Variants in DLGAP2 observed in about 807,000 individuals in gnomAD.
DLGAP2 encodes the protein disks large-associated protein 2.
In DLGAP2, 26 loss-of-function variants were observed where a neutral mutation model predicts 100.3. The ratio of observed to expected loss-of-function variants is 0.26; its 90% CI spans 0.19 to 0.36. The LOEUF (loss-of-function observed/expected upper bound fraction) is 0.36. Among genes scored for constraint, DLGAP2 ranks in the 10% least tolerant of loss-of-function variants. DLGAP2 has a pLI of 1.00. For synonymous variants in DLGAP2, 886 were observed against 630.1 expected (o/e 1.41, Z -6.08); for missense variants, 1,858 against 1,453.2 (o/e 1.28, Z -4.53).
chr8:1,119,206 T>C (rs11986778), intron 2 of DLGAP2, among the ~76,000 whole-genome samples: 44,493 of 152,286 alleles, frequency 0.29, 7,449 homozygotes, highest in Non-Finnish European at 0.39. Context: ...AGGCATGCAA[T>C]TTGCAGAATA....
At chr8:1,317,817 G>A (rs576936145) in intron 3 of DLGAP2, among the ~76,000 whole-genome samples, 2 of 142,214 alleles carry the variant, frequency 1.4e-5, no homozygotes, top group Non-Finnish European at 1.5e-5. Flanking sequence ...GTGTGCGAGT[G>A]CAGCGTCTCT....
At chr8:1,072,009 T>C (rs1464283737) in intron 2 of DLGAP2, among the ~76,000 whole-genome samples, 1 of 152,186 alleles carries the variant, frequency 6.6e-6, no homozygotes, top group African/African-American at 2.4e-5. Context: ...CAGCGCTGCC[T>C]GGGCCTTGAA....
intron 6 of DLGAP2, among the ~76,000 whole-genome samples, chr8:1,587,392 A>G (rs1796154200): frequency 6.6e-6 from 1 of 152,190 alleles, no homozygotes; most frequent in African/African-American, 2.4e-5. Context: ...GGGTGGATTT[A>G]TACATTTTCA....
intron 8 of DLGAP2, among the ~76,000 whole-genome samples, chr8:1,649,993 C>T (rs1724972356): frequency 6.6e-6 from 1 of 152,202 alleles, no homozygotes; most frequent in Non-Finnish European, 1.5e-5. Flanking sequence ...ACATAGGCAA[C>T]TGCAGATTCA....
chr8:1,460,504 C>T (rs1798442936), intron 3 of DLGAP2, among the ~76,000 whole-genome samples: 1 of 152,220 alleles, frequency 6.6e-6, no homozygotes, highest in Admixed American at 6.5e-5. Flanking sequence ...TCCTTCCCCT[C>T]TGTCACGGCT....
chr8:1,173,293 T>G (rs1349542801), intron 2 of DLGAP2, among the ~76,000 whole-genome samples: 2 of 152,172 alleles, frequency 1.3e-5, no homozygotes, highest in Admixed American at 6.5e-5. Flanking sequence ...CTGCCCCTAC[T>G]GGGGGGTGCC....
At chr8:952,977 C>T (rs1234636533) in intron 2 of DLGAP2, among the ~76,000 whole-genome samples, 1 of 152,040 alleles carries the variant, frequency 6.6e-6, no homozygotes, top group Non-Finnish European at 1.5e-5. Context: ...TTCTTTTGCT[C>T]ATACATGAGA....
chr8:1,377,283 G>C (rs963272532), intron 3 of DLGAP2, among the ~76,000 whole-genome samples: 1 of 152,214 alleles, frequency 6.6e-6, no homozygotes, highest in Non-Finnish European at 1.5e-5. Flanking sequence ...AGTGGCTCAC[G>C]CCTGTAATCC....
chr8:864,805 A>C (rs1183042052), intron 1 of DLGAP2, among the ~76,000 whole-genome samples: 1 of 152,210 alleles, frequency 6.6e-6, no homozygotes, highest in African/African-American at 2.4e-5. Context: ...GTTTTTAAAA[A>C]GGGATGGCTG....
At chr8:963,459 T>C (rs535245636) in intron 2 of DLGAP2, among the ~76,000 whole-genome samples, 10 of 152,340 alleles carry the variant, frequency 6.6e-5, no homozygotes, top group Admixed American at 6.5e-4. Context: ...ATATGGTACA[T>C]ATATGCATTT....
intron 1 of DLGAP2, among the ~76,000 whole-genome samples, chr8:848,271 G>C (rs546533926): frequency 2.6e-5 from 4 of 151,858 alleles, no homozygotes; most frequent in African/African-American, 9.7e-5. Flanking sequence ...GTATAGGATC[G>C]TGTGGTGTGT....
intron 3 of DLGAP2, among the ~76,000 whole-genome samples, chr8:1,267,668 A>T (rs998197223): frequency 6.6e-6 from 1 of 151,782 alleles, no homozygotes; most frequent in Non-Finnish European, 1.5e-5. Context: ...GTCAGCTCAG[A>T]CACCATTTCC....
intron 4 of DLGAP2, among the ~76,000 whole-genome samples, chr8:1,539,943 C>T (rs1801303330): frequency 6.6e-6 from 1 of 152,182 alleles, no homozygotes; most frequent in Non-Finnish European, 1.5e-5. Flanking sequence ...CAGTGGCTTC[C>T]CATCTCTTCT....
intron 2 of DLGAP2, among the ~76,000 whole-genome samples, chr8:1,160,043 G>A (rs1210064476): frequency 2.6e-5 from 4 of 152,302 alleles, no homozygotes; most frequent in African/African-American, 9.6e-5. Flanking sequence ...GACCGTCGTC[G>A]TAAACTGAGC....
chr8:1,670,493 CTG>C (rs1406338990), intron 10 of DLGAP2, among the ~76,000 whole-genome samples: 6 of 152,382 alleles, frequency 3.9e-5, no homozygotes, highest in Admixed American at 2.0e-4. Context: ...GCCCCACACA[CTG>C]TGTCCTGTGA....
At chr8:1,048,329 G>C (rs1357318333) in intron 2 of DLGAP2, among the ~76,000 whole-genome samples, 2 of 152,082 alleles carry the variant, frequency 1.3e-5, no homozygotes, top group South Asian at 2.1e-4. Context: ...AAATCAAGGT[G>C]AAATGTGAAT....
At position 1,476,340 on chromosome 8, in the gene DLGAP2, AT is replaced by A. The variant is rs371913358; in HGVS notation, c.107-25025del. Among the ~76,000 whole-genome samples the A allele has an allele frequency of 2.3e-4, 35 of 152,248 alleles. No homozygotes were observed. The East Asian group carries it at 5.6e-3, about 24-fold the overall frequency. On this transcript the variant is annotated intron_variant, in intron 3 of 14. Transcript: ENST00000637795. ...AGAGAGCAATACAATCCTAATAATA[AT>A]CCTGCAGCACATTCTCGGCTGCATC...
chr8:1,258,835 C>G lies in DLGAP2; in HGVS notation c.74-16C>G, dbSNP rs989541412. ...ACCCTGTGGGTGTAACAGCTTCTCT[C>G]TGTCTCTGTTTTCAGAGTCGCAGTG... On this transcript the variant is annotated splice_polypyrimidine_tract_variant and intron_variant, in intron 2 of 14. Transcript: ENST00000637795. 3 of 1,231,628 alleles carry G rather than the reference C, an allele frequency of 2.4e-6. No homozygotes were observed. The highest frequency in any genetic ancestry group is 1.6e-5 in the African/African-American group (1 of 64,414). The allele number at this position is 1,231,628 out of a possible 1,614,324, so 76.3% of individuals were successfully genotyped here.
chr8:1,162,353 A>G (rs1796909273), intron 2 of DLGAP2, among the ~76,000 whole-genome samples: 1 of 152,214 alleles, frequency 6.6e-6, no homozygotes, highest in South Asian at 2.1e-4. Context: ...AGTGGCTGAA[A>G]CAACACACAC....
Sources: allele counts gnomAD v4.1 joint callset (sites outside exome capture counted in the v4.1 genomes callset), GRCh38; gene constraint gnomAD v4.1.1; transcripts MANE v1.5; gene names NCBI Gene and HGNC (gene_info 2026-07-23, HGNC 2026-07-21).